Variants in CDH13 observed in about 807,000 individuals in gnomAD.
CDH13 encodes cadherin-13.
In CDH13, 24 loss-of-function variants were observed where a neutral mutation model predicts 63.8. The ratio of observed to expected loss-of-function variants is 0.38; its 90% CI spans 0.27 to 0.53. The LOEUF (loss-of-function observed/expected upper bound fraction) is 0.53. CDH13 is among the 20% of genes least tolerant of loss of function. The pLI, the probability that CDH13 is intolerant of heterozygous loss-of-function variation, is 0.85. For synonymous variants in CDH13, 503 were observed against 355.3 expected (o/e 1.42, Z -4.67); for missense variants, 1,049 against 903.1 (o/e 1.16, Z -2.07).
At chr16:82,884,539 A>G (rs2040815804) in intron 2 of CDH13, 1 of 212,766 alleles carries the variant, frequency 4.7e-6, no homozygotes, top group Admixed American at 5.1e-5. Flanking sequence ...AAGAGAAGCC[A>G]GGGAGAATCT....
intron 1 of CDH13, among the ~76,000 whole-genome samples, chr16:82,667,472 C>T (rs1182111169): frequency 6.6e-6 from 1 of 152,160 alleles, no homozygotes; most frequent in Admixed American, 6.5e-5. Context: ...CTGCTATTGG[C>T]CATATGTTGG....
intron 10 of CDH13, among the ~76,000 whole-genome samples, chr16:83,722,199 C>T (rs890735421): frequency 2.0e-5 from 3 of 151,962 alleles, no homozygotes; most frequent in Non-Finnish European, 4.4e-5. Context: ...CCGATGCTGG[C>T]TACACAATCT....
intron 8 of CDH13, among the ~76,000 whole-genome samples, chr16:83,670,123 T>G (rs1268061089): frequency 2.0e-5 from 3 of 152,228 alleles, no homozygotes; most frequent in Non-Finnish European, 4.4e-5. Flanking sequence ...AAATGGTTTC[T>G]AAGATCATAT....
At chr16:83,722,753 C>A (rs1363332914) in intron 10 of CDH13, among the ~76,000 whole-genome samples, 1 of 152,216 alleles carries the variant, frequency 6.6e-6, no homozygotes, top group Non-Finnish European at 1.5e-5. Context: ...CAGTGCTGAG[C>A]TATTTGGAAA....
At chr16:83,162,372 A>T (rs1404652147) in intron 4 of CDH13, among the ~76,000 whole-genome samples, 1 of 152,166 alleles carries the variant, frequency 6.6e-6, no homozygotes, top group African/African-American at 2.4e-5. Flanking sequence ...GAATCCTTCC[A>T]ACAAGATACC....
intron 1 of CDH13, among the ~76,000 whole-genome samples, chr16:82,809,346 G>A (rs1318137966): frequency 6.6e-6 from 1 of 151,902 alleles, no homozygotes; most frequent in East Asian, 1.9e-4. Context: ...TGAAAAATGA[G>A]TAGTTTAGCC....
At chr16:83,293,700 C>G (rs2089519008) in intron 5 of CDH13, among the ~76,000 whole-genome samples, 1 of 152,118 alleles carries the variant, frequency 6.6e-6, no homozygotes, top group Non-Finnish European at 1.5e-5. Context: ...TTCATGTCAA[C>G]TTATTCATTC....
At chr16:83,726,710 C>T (rs982405516) in intron 10 of CDH13, among the ~76,000 whole-genome samples, 1 of 152,098 alleles carries the variant, frequency 6.6e-6, no homozygotes, top group African/African-American at 2.4e-5. Context: ...TGGAGGCGGG[C>T]CCCTGTAGTC....
At chr16:83,116,088 GA>G (rs1469882188) in intron 3 of CDH13, among the ~76,000 whole-genome samples, 1 of 152,214 alleles carries the variant, frequency 6.6e-6, no homozygotes, top group African/African-American at 2.4e-5. Context: ...GGGTGTGACG[GA>G]AAGGGGCAGG....
chr16:83,590,473 G>A (rs560992735), intron 7 of CDH13, among the ~76,000 whole-genome samples: 1 of 152,324 alleles, frequency 6.6e-6, no homozygotes, highest in African/African-American at 2.4e-5. Context: ...TTGTGGGGAA[G>A]ATGGGTTCTG....
chr16:82,885,043 T>C (rs549189177), intron 2 of CDH13, among the ~76,000 whole-genome samples: 127 of 152,282 alleles, frequency 8.3e-4, no homozygotes, highest in Non-Finnish European at 1.0e-3. Context: ...TGGCTGTGTA[T>C]TCTAATTTTT....
At chr16:82,815,301 A>G (rs977248339) in intron 1 of CDH13, among the ~76,000 whole-genome samples, 6 of 152,152 alleles carry the variant, frequency 3.9e-5, no homozygotes, top group African/African-American at 1.4e-4. Context: ...GACTAGTCAC[A>G]GGAACAGAGA....
At chr16:82,979,279 G>A (rs1909944416) in intron 2 of CDH13, among the ~76,000 whole-genome samples, 1 of 152,124 alleles carries the variant, frequency 6.6e-6, no homozygotes, top group African/African-American at 2.4e-5. Flanking sequence ...AGTTAATGCT[G>A]GACTGAGTTA....
chr16:83,555,978 A>C (rs1269318478), intron 7 of CDH13, among the ~76,000 whole-genome samples: 2 of 152,122 alleles, frequency 1.3e-5, no homozygotes, highest in African/African-American at 4.8e-5. Flanking sequence ...GGCCTGGGGG[A>C]AGTAACACTG....
rs1236037793 is a variant in CDH13, at chr16:83,032,291, G to A, written c.366+73G>A. 8.8e-6 allele frequency: 10 copies of A among 1,139,392 alleles called. No homozygotes were observed. The South Asian group carries it at 1.4e-4, about 16-fold the overall frequency. 70.6% of individuals were successfully genotyped at this position (1,139,392 alleles called of 1,614,324 possible). ...TCTGTCTGTCTTATGTGGAAAATGG[G>A]TCTTTAATTTATTATGTTGGCTAAG... is the stretch of plus-strand genomic sequence containing the variant. On this transcript the variant is annotated intron_variant, in intron 3 of 13. Transcript: ENST00000567109.
intron 1 of CDH13, among the ~76,000 whole-genome samples, chr16:82,821,179 C>T (rs2037986343): frequency 1.3e-5 from 2 of 152,294 alleles, no homozygotes; most frequent in South Asian, 4.1e-4. Context: ...TCTCATCTGA[C>T]ATTTTCCCCA....
chr16:83,496,826 C>A (rs1032633436), intron 7 of CDH13, among the ~76,000 whole-genome samples: 13 of 152,044 alleles, frequency 8.6e-5, no homozygotes, highest in African/African-American at 2.9e-4. Context: ...AAAAAACAAA[C>A]AACCCCATCA....
chr16:83,285,758 C>G (rs1447939410), intron 5 of CDH13, among the ~76,000 whole-genome samples: 8 of 151,966 alleles, frequency 5.3e-5, no homozygotes, highest in Admixed American at 5.3e-4. Flanking sequence ...CTGCGGGTAC[C>G]AAGGGACAAT....
At chr16:83,769,759 A>G (rs916514513) in intron 11 of CDH13, among the ~76,000 whole-genome samples, 6 of 152,210 alleles carry the variant, frequency 3.9e-5, no homozygotes, top group Admixed American at 3.9e-4. Context: ...TTGACTGTCA[A>G]TTCTGGAGAA....
Sources: allele counts gnomAD v4.1 joint callset (sites outside exome capture counted in the v4.1 genomes callset), GRCh38; gene constraint gnomAD v4.1.1; transcripts MANE v1.5; gene names NCBI Gene and HGNC (gene_info 2026-07-23, HGNC 2026-07-21).